Variants in PDCD6IP observed in about 807,000 individuals in gnomAD.
PDCD6IP encodes the protein programmed cell death 6-interacting protein.
Under a neutral mutation model 103.7 loss-of-function variants are expected in PDCD6IP, and 43 were observed. The observed-to-expected ratio is 0.41, with a 90% confidence interval of 0.32 to 0.53. The LOEUF (loss-of-function observed/expected upper bound fraction) is 0.53. Ranked by LOEUF, PDCD6IP falls within the 20% of genes least tolerant of loss-of-function variation. The probability of loss-of-function intolerance (pLI) is 0.16; values close to 1 mark genes in which losing one functional copy is unlikely to be tolerated. For missense variants in PDCD6IP, 871 were observed against 1,036.7 expected, an observed-to-expected ratio of 0.84 and a Z score of 2.20; for synonymous variants, 354 against 378.7, an observed-to-expected ratio of 0.93 and a Z score of 0.76.
chr3:33,808,112 T>C (rs1241503969), intron 1 of PDCD6IP, among the ~76,000 whole-genome samples: 1 of 152,242 alleles, frequency 6.6e-6, no homozygotes, highest in Admixed American at 6.5e-5. Flanking sequence ...AGCAAATAGA[T>C]CTAGTCTTTG....
In PDCD6IP at chr3:33,798,688, C is replaced by T. The variant is rs1249743612; in HGVS notation, c.-41C>T. 1 of 1,494,872 alleles carries T rather than the reference C, an allele frequency of 6.7e-7. No individual in the cohort carries two copies. Among genetic ancestry groups the T allele is most frequent in the South Asian group, 1.3e-5 (1 of 77,344 alleles). 92.6% of individuals were successfully genotyped at this position (1,494,872 alleles called of 1,614,324 possible). A position where few individuals can be genotyped will look rare whatever the true frequency, so the allele number is the denominator to read the frequency against. On this transcript the variant is annotated 5_prime_UTR_variant, in exon 1 of 18. Coordinates refer to ENST00000307296, the MANE Select transcript of PDCD6IP (RefSeq NM_013374.6). ...TCTCTCCTCGGCCCTCGTAAGCTGT[C>T]CGCGGTCTGTTTGGCCCGAACGGCG...
intron 12 of PDCD6IP, among the ~76,000 whole-genome samples, chr3:33,847,303 A>G (rs573992122): frequency 2.6e-5 from 4 of 152,310 alleles, no homozygotes; most frequent in East Asian, 1.9e-4. Context: ...ATATATTGCT[A>G]TTTTATTCAG....
intron 15 of PDCD6IP, among the ~76,000 whole-genome samples, chr3:33,857,053 A>T (rs1697845055): frequency 6.6e-6 from 1 of 152,032 alleles, no homozygotes; most frequent in African/African-American, 2.4e-5. Flanking sequence ...CTCTCTGCTC[A>T]TGTTCATGAG....
At position 33,838,271 on chromosome 3, in the gene PDCD6IP, C is replaced by G; in HGVS notation, c.1125C>G (p.Ala375=). The change falls in exon 9 of 18, where the codon GCC becomes GCG. Residue 375 remains alanine (A), a synonymous_variant. Transcript: ENST00000307296. ...TGGCTGCCTATAATCAGAGGAAAGC[C>G]GATTTGGTTAACAGATCAATTGCTC... The part of the protein sequence containing the change: ...QSLAAYNQRK[A]DLVNRSIAQM... The G allele has an allele frequency of 1.2e-6, 2 of 1,613,010 alleles. No individual in the cohort carries two copies. Among genetic ancestry groups the G allele is most frequent in the Non-Finnish European group, 1.7e-6 (2 of 1,179,056 alleles).
At chr3:33,828,419 G>A (rs1187346301) in intron 6 of PDCD6IP, 1 of 152,600 alleles carries the variant, frequency 6.6e-6, no homozygotes, top group African/African-American at 2.4e-5. Flanking sequence ...ATTAGTATAT[G>A]TGAGTAATGA....
At chr3:33,854,249 A>C (rs916142377) in intron 14 of PDCD6IP, among the ~76,000 whole-genome samples, 4 of 152,210 alleles carry the variant, frequency 2.6e-5, no homozygotes, top group Non-Finnish European at 5.9e-5. Flanking sequence ...AAAGGGGTAT[A>C]AATATTCCAG....
rs1696732390 is a variant in PDCD6IP at position 33,812,111 on chromosome 3, A to C, written c.249A>C (p.Pro83=). 6.2e-7 allele frequency: 1 copy of C among 1,600,462 alleles called. No individual in the cohort carries two copies. The highest frequency in any genetic ancestry group is 1.3e-5 in the African/African-American group (1 of 74,358). Reference sequence around the variant, plus strand: ...TTTGTTCTATTGAACCCAAATTCCCATTTTCTGAAAATCAGGTAAGTCATT... The same window carrying C: ...TTTGTTCTATTGAACCCAAATTCCCCTTTTCTGAAAATCAGGTAAGTCATT... ...DQICSIEPKF[P]FSENQICLTF... The change falls in exon 2 of 18, where the codon CCA becomes CCC. Residue 83 remains proline (P), a synonymous_variant. Coordinates refer to ENST00000307296, the MANE Select transcript of PDCD6IP (RefSeq NM_013374.6).
chr3:33,851,165 T>C (rs1020934631), intron 12 of PDCD6IP, among the ~76,000 whole-genome samples: 1 of 151,958 alleles, frequency 6.6e-6, no homozygotes, highest in African/African-American at 2.4e-5. Context: ...GGGGAATCCA[T>C]GGGAATTGGA....
chr3:33,835,925 T>C, intron 7 of PDCD6IP, 119 bp from the exon 8 acceptor site: 1 of 626,910 alleles, frequency 1.6e-6, no homozygotes. Flanking sequence ...TTGCTGGAAA[T>C]GCAAGTCTTC....
At chr3:33,831,378 A>G (rs1697241058) in intron 7 of PDCD6IP, among the ~76,000 whole-genome samples, 1 of 152,150 alleles carries the variant, frequency 6.6e-6, no homozygotes, top group Non-Finnish European at 1.5e-5. Context: ...TTATGGTACT[A>G]GGTTGTAGGT....
At chr3:33,852,208 G>T (rs1384122012) in intron 12 of PDCD6IP, among the ~76,000 whole-genome samples, 1 of 152,158 alleles carries the variant, frequency 6.6e-6, no homozygotes, top group African/African-American at 2.4e-5. Context: ...AGGAATATAT[G>T]AAATTATATT....
chr3:33,809,141 T>G (rs1696661747), intron 1 of PDCD6IP, among the ~76,000 whole-genome samples: 1 of 152,214 alleles, frequency 6.6e-6, no homozygotes, highest in Non-Finnish European at 1.5e-5. Context: ...TCCTCTTGTC[T>G]CTTTATTCTC....
chr3:33,852,099 T>A (rs1489280090), intron 12 of PDCD6IP, among the ~76,000 whole-genome samples: 1 of 152,224 alleles, frequency 6.6e-6, no homozygotes, highest in Non-Finnish European at 1.5e-5. Flanking sequence ...CCTCTGCCCC[T>A]TAGTAGCTGT....
In PDCD6IP at chr3:33,855,088, A is replaced by G. The variant is rs749235150; in HGVS notation, c.2026-78A>G. On this transcript the variant is annotated intron_variant, in intron 14 of 17. Transcript: ENST00000307296. ...TCTTCGGCTCTAACTATCATTGACAAATTAGCTTTAGATCACATTACTCTC... is the reference window on the plus strand; with the variant it reads ...TCTTCGGCTCTAACTATCATTGACAGATTAGCTTTAGATCACATTACTCTC... 8.3e-6 allele frequency: 7 copies of G among 839,292 alleles called. No homozygotes were observed. The African/African-American group carries it at 1.0e-4, about 12-fold the overall frequency. 52.0% of individuals were successfully genotyped at this position (839,292 alleles called of 1,614,324 possible).
At position 33,810,233 on chromosome 3, in the gene PDCD6IP, C is replaced by G. The variant is rs1696685560; in HGVS notation, c.210-1839C>G. Among the ~76,000 whole-genome samples, 4 of 152,080 alleles carry G rather than the reference C, an allele frequency of 2.6e-5. No homozygotes were observed. The South Asian group carries it at 8.3e-4, about 32-fold the overall frequency. Reference sequence around the variant, plus strand: ...CTATGGTACCGTAGGATAGAGTTTTCCCTATTCACCTGTTTATTTACCTCC... The same window carrying G: ...CTATGGTACCGTAGGATAGAGTTTTGCCTATTCACCTGTTTATTTACCTCC... On this transcript the variant is annotated intron_variant, in intron 1 of 17. Transcript: ENST00000307296.
chr3:33,823,883 G>A (rs1297429976), intron 4 of PDCD6IP, among the ~76,000 whole-genome samples: 1 of 152,094 alleles, frequency 6.6e-6, no homozygotes, highest in Non-Finnish European at 1.5e-5. Context: ...ATTTTAGAAA[G>A]GTCATTCTGA....
chr3:33,805,333 C>T (rs1266455421), intron 1 of PDCD6IP, among the ~76,000 whole-genome samples: 3 of 146,540 alleles, frequency 2.0e-5, no homozygotes, highest in African/African-American at 5.1e-5. Flanking sequence ...GTAGCCTGGG[C>T]GACAGAGTGA....
chr3:33,822,720 A>G (rs1025681397), intron 4 of PDCD6IP, among the ~76,000 whole-genome samples: 9 of 152,290 alleles, frequency 5.9e-5, no homozygotes, highest in African/African-American at 1.7e-4. Flanking sequence ...CAGTGGCACA[A>G]TCTCGGCTCA....
chr3:33,800,029 A>T (rs987653704), intron 1 of PDCD6IP, among the ~76,000 whole-genome samples: 1 of 147,186 alleles, frequency 6.8e-6, no homozygotes, highest in Non-Finnish European at 1.5e-5. Context: ...CTGAGGCAGG[A>T]GAATGGTGTG....
Sources: allele counts gnomAD v4.1 joint callset (sites outside exome capture counted in the v4.1 genomes callset), GRCh38; gene constraint gnomAD v4.1.1; transcripts MANE v1.5; gene names NCBI Gene and HGNC (gene_info 2026-07-23, HGNC 2026-07-21).